PARD3: variants seen among roughly 807,000 people sequenced by gnomAD.
The protein encoded by PARD3 is partitioning defective 3 homolog.
PARD3 carries 75 observed loss-of-function variants against 155.4 expected under a neutral mutation model. That is an observed-to-expected ratio of 0.48 (90% CI 0.40 to 0.58). The LOEUF is 0.58. Among genes scored for constraint, PARD3 ranks in the 20% least tolerant of loss-of-function variants. The pLI is 0.00. For synonymous variants in PARD3, 576 were observed against 610.5 expected, an observed-to-expected ratio of 0.94 and a Z score of 0.83; for missense variants, 1,642 against 1,721.7, an observed-to-expected ratio of 0.95 and a Z score of 0.82.
At chr10:34,735,111 A>ATG (rs1347590265) in intron 1 of PARD3, among the ~76,000 whole-genome samples, 1 of 152,200 alleles carries the variant, frequency 6.6e-6, no homozygotes, top group African/African-American at 2.4e-5. Context: ...GGCAATGATG[A>ATG]TGTAGCACTT....
At chr10:34,506,871 G>A (rs2133496486) in intron 3 of PARD3, among the ~76,000 whole-genome samples, 1 of 152,270 alleles carries the variant, frequency 6.6e-6, no homozygotes, top group South Asian at 2.1e-4. Context: ...GATTTTATTG[G>A]TGTTATTTAA....
chr10:34,364,435 T>C (rs1037545890), intron 12 of PARD3, among the ~76,000 whole-genome samples: 8 of 137,080 alleles, frequency 5.8e-5, no homozygotes, highest in Non-Finnish European at 4.9e-5. Context: ...CAGAATTATC[T>C]TTTTTTTTTT....
rs953199656 is a variant in PARD3, at chr10:34,410,299, G to GT, written c.715-8383dup. ...CTCTTACCTTTGGTGTTTACTTTCA[G>GT]TTTTTTTTTTAGATCATATAGGTTT... is the stretch of plus-strand genomic sequence containing the variant. On this transcript the variant is annotated intron_variant, in intron 5 of 24. Transcript: ENST00000374788. Among the ~76,000 whole-genome samples the GT allele has an allele frequency of 1.5e-3, 221 of 146,314 alleles. 2 individuals carry two copies. Among genetic ancestry groups the GT allele is most frequent in the South Asian group, 5.0e-3 (23 of 4,594 alleles).
rs188522018 is a variant in PARD3, at chr10:34,794,112, G to A, written c.120+20764C>T. Among the ~76,000 whole-genome samples the A allele has an allele frequency of 7.2e-5, 11 of 152,112 alleles. No homozygotes were observed. The South Asian group carries it at 1.5e-3, about 20-fold the overall frequency. ...GAGACACTCCCACAGTCAGCGGGGG[G>A]TGGGGGTTGGGGGGACTCATGAACA... On this transcript the variant is annotated intron_variant, in intron 1 of 24. Transcript: ENST00000374788.
chr10:34,576,563 A>G (rs758115010), intron 2 of PARD3, among the ~76,000 whole-genome samples: 2 of 152,158 alleles, frequency 1.3e-5, no homozygotes, highest in Non-Finnish European at 2.9e-5. Flanking sequence ...AATTATAGGT[A>G]AGCAGATAAC....
At chr10:34,707,328 A>G (rs566223985) in intron 1 of PARD3, among the ~76,000 whole-genome samples, 63 of 152,232 alleles carry the variant, frequency 4.1e-4, no homozygotes, top group African/African-American at 1.2e-3. Flanking sequence ...ATTCTATTAC[A>G]TGTTCTAATC....
At chr10:34,122,065 T>G (rs191442540) in intron 23 of PARD3, among the ~76,000 whole-genome samples, 29 of 152,326 alleles carry the variant, frequency 1.9e-4, no homozygotes, top group Admixed American at 1.0e-3. Flanking sequence ...GATAAACCAC[T>G]GGACAGAAAG....
chr10:34,167,311 G>C (rs550992118), intron 22 of PARD3, among the ~76,000 whole-genome samples: 3 of 152,116 alleles, frequency 2.0e-5, no homozygotes, highest in Non-Finnish European at 4.4e-5. Context: ...ATCGTTGCAC[G>C]GGTCTGCCGG....
At chr10:34,564,284 A>G (rs917125863) in intron 2 of PARD3, among the ~76,000 whole-genome samples, 1 of 152,218 alleles carries the variant, frequency 6.6e-6, no homozygotes, top group Non-Finnish European at 1.5e-5. Flanking sequence ...ATACATGAAT[A>G]TTGTTTATAT....
At chr10:34,346,352 T>C in intron 15 of PARD3, 1 of 1,283,156 alleles carries the variant, frequency 7.8e-7, no homozygotes. Context: ...AGTTTTAGTT[T>C]TTCGCCTTCC....
rs555288243 is a variant in PARD3, at chr10:34,277,066, C to T, written c.3176+7069G>A. On this transcript the variant is annotated intron_variant, in intron 21 of 24. Transcript: ENST00000374788. ...ACTCTTTTGGGAAACATTTTACCCC[C>T]AACTTACTGCACTGCCATCCAGAAG... Among the ~76,000 whole-genome samples, 7 of 152,270 alleles carry T rather than the reference C, an allele frequency of 4.6e-5. No homozygotes were observed. The East Asian group carries it at 9.6e-4, about 21-fold the overall frequency.
intron 20 of PARD3, among the ~76,000 whole-genome samples, chr10:34,291,990 C>A (rs1362323390): frequency 2.6e-5 from 4 of 152,180 alleles, no homozygotes; most frequent in Non-Finnish European, 5.9e-5. Flanking sequence ...AAGGCAAGGT[C>A]AGGAACTGCT....
intron 2 of PARD3, among the ~76,000 whole-genome samples, chr10:34,671,190 A>C (rs1415917369): frequency 6.6e-6 from 1 of 152,224 alleles, no homozygotes; most frequent in Non-Finnish European, 1.5e-5. Flanking sequence ...TGTGAATATA[A>C]TTTCTGTTGC....
intron 3 of PARD3, among the ~76,000 whole-genome samples, chr10:34,507,893 CCACTT>C (rs1216101905): frequency 6.6e-6 from 1 of 152,134 alleles, no homozygotes; most frequent in Non-Finnish European, 1.5e-5. Context: ...ATGCCATGCT[CCACTT>C]CACAAGTTAA....
At chr10:34,766,885 G>A (rs1838169707) in intron 1 of PARD3, among the ~76,000 whole-genome samples, 1 of 152,144 alleles carries the variant, frequency 6.6e-6, no homozygotes, top group African/African-American at 2.4e-5. Flanking sequence ...TGTTAGGAAA[G>A]GTTTTGTGGA....
chr10:34,549,122 A>T (rs1447195294), intron 2 of PARD3, among the ~76,000 whole-genome samples: 3 of 152,206 alleles, frequency 2.0e-5, no homozygotes, highest in Non-Finnish European at 2.9e-5. Flanking sequence ...TTCTTCATAC[A>T]ATTGTGATAA....
At position 34,117,864 on chromosome 10, in the gene PARD3, T is replaced by C. The variant is rs964655237; in HGVS notation, c.3668+1749A>G. Among the ~76,000 whole-genome samples the C allele has an allele frequency of 2.0e-5, 3 of 152,150 alleles. No individual in the cohort carries two copies. The East Asian group carries it at 5.8e-4, about 29-fold the overall frequency. Reference sequence around the variant, plus strand: ...AGGTGGAGGTTGCAGTGAGCCAAGGTCGCGCCACTGCACTCCAGCCGGGGC... The same window carrying C: ...AGGTGGAGGTTGCAGTGAGCCAAGGCCGCGCCACTGCACTCCAGCCGGGGC... On this transcript the variant is annotated intron_variant, in intron 24 of 24. Transcript: ENST00000374788.
At chr10:34,367,692 G>A (rs1400609767) in intron 12 of PARD3, among the ~76,000 whole-genome samples, 2 of 152,084 alleles carry the variant, frequency 1.3e-5, no homozygotes, top group Admixed American at 1.3e-4. Context: ...AACAGAGTGA[G>A]ACTTGGTCAC....
intron 10 of PARD3, among the ~76,000 whole-genome samples, chr10:34,376,966 T>C (rs1841319416): frequency 6.6e-6 from 1 of 152,220 alleles, no homozygotes; most frequent in Admixed American, 6.5e-5. Context: ...GTGCAAACCA[T>C]CACACAAACA....
Sources: gnomAD v4.1 joint callset for allele counts (sites outside exome capture counted in the v4.1 genomes callset) on GRCh38, gnomAD v4.1.1 for gene constraint, MANE v1.5 for transcripts, NCBI Gene and HGNC (gene_info 2026-07-23, HGNC 2026-07-21) for gene names.